The following CERT1 variants were observed in gnomAD, a reference collection of about 807,000 sequenced individuals.
CERT1 encodes ceramide transfer protein.
Under a neutral mutation model 87.9 loss-of-function variants are expected in CERT1, and 31 were observed. That is an observed-to-expected ratio of 0.35 (90% CI 0.27 to 0.48). CERT1 has a LOEUF of 0.48. Among genes scored for constraint, CERT1 ranks in the 20% least tolerant of loss-of-function variants. The probability of loss-of-function intolerance (pLI) is 0.99; values close to 1 mark genes in which losing one functional copy is unlikely to be tolerated. For missense variants in CERT1, 487 were observed against 758.0 expected, an observed-to-expected ratio of 0.64 and a Z score of 4.20; for synonymous variants, 289 against 250.9, an observed-to-expected ratio of 1.15 and a Z score of -1.44.
At chr5:75,376,123 G>A (rs903668802), downstream of CERT1, 2 of 152,136 alleles carry the variant, frequency 1.3e-5, no homozygotes, top group South Asian at 4.1e-4. Flanking sequence ...CACACACACA[G>A]AGAGTCAATG....
rs1483612263 is a variant in CERT1 at position 75,405,884 on chromosome 5, G to A, written c.931-2826C>T. ...TATCTGCAGTTACTGGGGGGGGGGG[G>A]GGTCTTGTAATGTATCCCCCCCAAC... On this transcript the variant is annotated intron_variant, in intron 8 of 16. Transcript: ENST00000643780. Among the ~76,000 whole-genome samples the A allele has an allele frequency of 2.7e-5, 4 of 149,726 alleles. 1 individual carries two copies. Among genetic ancestry groups the A allele is most frequent in the African/African-American group, 9.9e-5 (4 of 40,370 alleles).
chr5:75,398,821 G>C (rs534924515), intron 11 of CERT1, among the ~76,000 whole-genome samples: 17 of 152,070 alleles, frequency 1.1e-4, no homozygotes, highest in Non-Finnish European at 2.1e-4. Context: ...ATTTGCATAA[G>C]GAAAACACAA....
intron 2 of CERT1, among the ~76,000 whole-genome samples, chr5:75,463,923 G>A (rs1307908087): frequency 1.3e-5 from 2 of 152,058 alleles, no homozygotes; most frequent in Non-Finnish European, 2.9e-5. Flanking sequence ...TAAGAGTTCT[G>A]GCATCTCATT....
chr5:75,407,794 C>T (rs1224289717), intron 8 of CERT1, among the ~76,000 whole-genome samples: 2 of 150,596 alleles, frequency 1.3e-5, no homozygotes, highest in Admixed American at 6.6e-5. Flanking sequence ...AACAAAAGCC[C>T]ATCAAGAGTT....
intron 2 of CERT1, among the ~76,000 whole-genome samples, chr5:75,459,911 G>A (rs190323657): frequency 1.5e-3 from 219 of 144,898 alleles, no homozygotes; most frequent in Middle Eastern, 7.4e-3. Flanking sequence ...TCAGTGAGCC[G>A]AGATTGCGCC....
rs532852541 is a variant in CERT1 at position 75,451,295 on chromosome 5, G to A, written c.348+7770C>T. Among the ~76,000 whole-genome samples, 64 of 152,252 alleles carry A rather than the reference G, an allele frequency of 4.2e-4. 1 individual carries two copies. The highest frequency in any genetic ancestry group is 1.5e-3 in the African/African-American group (62 of 41,548). On this transcript the variant is annotated intron_variant, in intron 3 of 16. Coordinates refer to ENST00000643780, the MANE Select transcript of CERT1 (RefSeq NM_001379029.1). ...CTGAAACATCCAGAGACAACATGAA[G>A]TTTCTCTGCTGCTTAATAAAGGTCA...
chr5:75,392,995 AAAG>A (rs1762090627), intron 11 of CERT1, among the ~76,000 whole-genome samples: 2 of 148,180 alleles, frequency 1.3e-5, no homozygotes, highest in African/African-American at 2.5e-5. Context: ...AAAAAAAAAA[AAAG>A]AAGTGGGAAA....
chr5:75,452,714 C>T (rs1056275835), intron 3 of CERT1, among the ~76,000 whole-genome samples: 1 of 152,154 alleles, frequency 6.6e-6, no homozygotes, highest in African/African-American at 2.4e-5. Flanking sequence ...GTTAGCTTAA[C>T]TTTACACAAT....
At chr5:75,483,148 A>T (rs1299590419) in intron 2 of CERT1, among the ~76,000 whole-genome samples, 1 of 152,170 alleles carries the variant, frequency 6.6e-6, no homozygotes, top group African/African-American at 2.4e-5. Flanking sequence ...AGATAAACAG[A>T]GAAGAAATTC....
chr5:75,494,191 C>T (rs1766949337), intron 2 of CERT1, among the ~76,000 whole-genome samples: 1 of 152,156 alleles, frequency 6.6e-6, no homozygotes, highest in Admixed American at 6.6e-5. Context: ...GACTCGAAAC[C>T]CAAAGGCTGT....
At chr5:75,396,401 G>A (rs562989823) in intron 11 of CERT1, among the ~76,000 whole-genome samples, 25 of 152,250 alleles carry the variant, frequency 1.6e-4, no homozygotes, top group Non-Finnish European at 4.4e-5. Flanking sequence ...CATATCAAGC[G>A]CTGTGGAGTA....
intron 6 of CERT1, among the ~76,000 whole-genome samples, chr5:75,418,915 T>C (rs932742952): frequency 1.3e-5 from 2 of 152,174 alleles, no homozygotes; most frequent in South Asian, 2.1e-4. Flanking sequence ...TTCACGAAAA[T>C]ATCCAAATTT....
At chr5:75,418,919 C>T (rs1763255192) in intron 6 of CERT1, among the ~76,000 whole-genome samples, 1 of 151,984 alleles carries the variant, frequency 6.6e-6, no homozygotes, top group African/African-American at 2.4e-5. Flanking sequence ...CGAAAATATC[C>T]AAATTTATCA....
chr5:75,437,255 AT>A (rs1287404267), intron 3 of CERT1, among the ~76,000 whole-genome samples: 1 of 152,188 alleles, frequency 6.6e-6, no homozygotes, highest in African/African-American at 2.4e-5. Context: ...GCCCTTATGT[AT>A]TTCTTCAAGT....
intron 5 of CERT1, among the ~76,000 whole-genome samples, chr5:75,421,271 C>T (rs1403466828): frequency 6.6e-6 from 1 of 152,108 alleles, no homozygotes; most frequent in Non-Finnish European, 1.5e-5. Context: ...GATGCAGAGC[C>T]CAATTCGATA....
At chr5:75,389,784 T>C (rs1761957111) in intron 11 of CERT1, 97 bp from the exon 12 acceptor site, 4 of 887,092 alleles carry the variant, frequency 4.5e-6, no homozygotes, top group Non-Finnish European at 7.3e-6. Context: ...GAAATGGTGC[T>C]CTTAGTAGCT....
intron 8 of CERT1, among the ~76,000 whole-genome samples, chr5:75,407,051 AAAG>A (rs1762735859): frequency 6.6e-6 from 1 of 152,192 alleles, no homozygotes; most frequent in South Asian, 2.1e-4. Flanking sequence ...CAAAACTCCA[AAAG>A]AAGGGGAAGT....
intron 7 of CERT1, among the ~76,000 whole-genome samples, chr5:75,413,668 TAC>T (rs148440926): frequency 1.1e-4 from 17 of 149,962 alleles, no homozygotes; most frequent in East Asian, 2.0e-4. Context: ...CCAACACCTA[TAC>T]ACACACACAC....
chr5:75,494,809 T>A (rs1766979762), intron 2 of CERT1, among the ~76,000 whole-genome samples: 2 of 152,234 alleles, frequency 1.3e-5, no homozygotes, highest in South Asian at 4.1e-4. Context: ...TCCTCTCTTG[T>A]CCACCCTGTC....
Sources: gnomAD v4.1 joint callset for allele counts (sites outside exome capture counted in the v4.1 genomes callset) on GRCh38, gnomAD v4.1.1 for gene constraint, MANE v1.5 for transcripts, NCBI Gene and HGNC (gene_info 2026-07-23, HGNC 2026-07-21) for gene names.